The following PRKCE variants were observed in gnomAD, a reference collection of about 807,000 sequenced individuals.
The protein encoded by PRKCE is protein kinase C epsilon.
PRKCE carries 16 observed loss-of-function variants against 85.4 expected under a neutral mutation model. The ratio of observed to expected loss-of-function variants is 0.19; its 90% CI spans 0.13 to 0.28. The LOEUF (loss-of-function observed/expected upper bound fraction) is 0.28. Among genes scored for constraint, PRKCE ranks in the 10% least tolerant of loss-of-function variants. PRKCE has a pLI of 1.00. For synonymous variants in PRKCE, 388 were observed against 371.5 expected (o/e 1.04, Z -0.51); for missense variants, 573 against 975.2 (o/e 0.59, Z 5.49).
Position 46,001,738 on chromosome 2 carries a change from A to G in PRKCE, c.966+192A>G, listed in dbSNP as rs1206238806. Among the ~76,000 whole-genome samples, 8 of 152,230 alleles carry G rather than the reference A, an allele frequency of 5.3e-5. No individual in the cohort carries two copies. The highest frequency in any genetic ancestry group is 1.7e-4 in the African/African-American group (7 of 41,472). ...AACATTAATGTCTTCTTGAGCTCCAAAAGTGGACTGAAAACACAGCAAGCC... is the reference window on the plus strand; with the variant it reads ...AACATTAATGTCTTCTTGAGCTCCAGAAGTGGACTGAAAACACAGCAAGCC... On this transcript the variant is annotated intron_variant, in intron 7 of 14. Transcript: ENST00000306156. The surrounding 1 kb of genome is among the most constrained non-coding windows in gnomAD (Gnocchi z 4.4).
intron 11 of PRKCE, among the ~76,000 whole-genome samples, chr2:46,090,750 A>G (rs1670088438): frequency 6.6e-6 from 1 of 150,382 alleles, no homozygotes; most frequent in Non-Finnish European, 1.5e-5. Flanking sequence ...CAAGCTGCAA[A>G]AGGCTCTGTG....
chr2:45,794,741 A>G (rs1687286418), intron 1 of PRKCE, among the ~76,000 whole-genome samples: 2 of 152,052 alleles, frequency 1.3e-5, no homozygotes, highest in African/African-American at 4.8e-5. Flanking sequence ...CTGTTCGAAT[A>G]CAAGCCTCCT....
chr2:46,005,992 G>C (rs1395580337), intron 8 of PRKCE, among the ~76,000 whole-genome samples: 2 of 152,152 alleles, frequency 1.3e-5, no homozygotes, highest in Admixed American at 1.3e-4. Context: ...TCAGAGACCA[G>C]GGTTTGTAGG....
At chr2:46,008,446 GAT>G (rs1053738517) in intron 9 of PRKCE, among the ~76,000 whole-genome samples, 1 of 152,192 alleles carries the variant, frequency 6.6e-6, no homozygotes, top group Admixed American at 6.5e-5. Flanking sequence ...TGAGATCTCT[GAT>G]TGTTCCCTGG....
chr2:45,674,420 A>G (rs1469098925), intron 1 of PRKCE, among the ~76,000 whole-genome samples: 1 of 152,232 alleles, frequency 6.6e-6, no homozygotes, highest in Non-Finnish European at 1.5e-5. Context: ...TTTTGGGTCA[A>G]GAGGACTCTG....
intron 11 of PRKCE, among the ~76,000 whole-genome samples, chr2:46,103,123 A>G (rs1671395406): frequency 6.6e-6 from 1 of 151,958 alleles, no homozygotes; most frequent in East Asian, 1.9e-4. Context: ...ATGAACTCAT[A>G]GATAGTTATT....
At chr2:45,848,355 G>T (rs1166613696) in intron 2 of PRKCE, among the ~76,000 whole-genome samples, 1 of 151,798 alleles carries the variant, frequency 6.6e-6, no homozygotes, top group Non-Finnish European at 1.5e-5. Context: ...CTGTCGCCCA[G>T]GCTGGAGTGT....
At chr2:46,144,975 G>C in intron 11 of PRKCE, 118 bp from the exon 12 acceptor site, 1 of 1,460,548 alleles carries the variant, frequency 6.8e-7, no homozygotes, top group Non-Finnish European at 9.3e-7. Context: ...AGAAACACAA[G>C]CTTCTTTCAG....
chr2:45,879,137 A>AC (rs1338770037), intron 2 of PRKCE, among the ~76,000 whole-genome samples: 1 of 152,048 alleles, frequency 6.6e-6, no homozygotes, highest in Non-Finnish European at 1.5e-5. Flanking sequence ...ACACATAAAA[A>AC]CCCCAAGCTC....
intron 1 of PRKCE, among the ~76,000 whole-genome samples, chr2:45,683,090 C>T (rs140082937): frequency 6.6e-6 from 1 of 152,238 alleles, no homozygotes; most frequent in African/African-American, 2.4e-5. Flanking sequence ...TTGACAAATC[C>T]AGCAGAGATT....
intron 1 of PRKCE, among the ~76,000 whole-genome samples, chr2:45,756,745 T>C (rs966036187): frequency 2.6e-5 from 4 of 152,226 alleles, no homozygotes; most frequent in African/African-American, 9.6e-5. Flanking sequence ...ATTCCATTCA[T>C]ATAACATTTT....
chr2:45,821,874 T>C (rs1689561941), intron 1 of PRKCE, among the ~76,000 whole-genome samples: 1 of 151,784 alleles, frequency 6.6e-6, no homozygotes, highest in Admixed American at 6.6e-5. Flanking sequence ...CTGAGGAGAG[T>C]AAGGGAAGAC....
chr2:45,972,639 G>A (rs1478945934), intron 2 of PRKCE, among the ~76,000 whole-genome samples: 1 of 152,180 alleles, frequency 6.6e-6, no homozygotes, highest in Admixed American at 6.5e-5. Flanking sequence ...TGATTTTTGT[G>A]TATGGTAAAA....
At chr2:45,958,818 T>TATA (rs1558885886) in intron 2 of PRKCE, among the ~76,000 whole-genome samples, 42 of 7,508 alleles carry the variant, frequency 5.6e-3, no homozygotes, top group South Asian at 0.028. Context: ...ATATATATAT[T>TATA]TTTTTTTTTT....
intron 11 of PRKCE, among the ~76,000 whole-genome samples, chr2:46,116,073 G>A (rs1314591183): frequency 6.6e-6 from 1 of 152,130 alleles, no homozygotes; most frequent in Non-Finnish European, 1.5e-5. Flanking sequence ...TTGGAGTGTG[G>A]GTACAGATGT....
At chr2:45,903,126 A>G (rs2103738056) in intron 2 of PRKCE, among the ~76,000 whole-genome samples, 1 of 152,352 alleles carries the variant, frequency 6.6e-6, no homozygotes, top group Middle Eastern at 3.4e-3. Flanking sequence ...CACTATCAAT[A>G]GTCATGTTTT....
At chr2:45,779,892 A>G (rs186895520) in intron 1 of PRKCE, among the ~76,000 whole-genome samples, 22 of 152,340 alleles carry the variant, frequency 1.4e-4, no homozygotes, top group African/African-American at 7.2e-5. Flanking sequence ...AATTTTAAAC[A>G]TATGCAAACC....
intron 1 of PRKCE, among the ~76,000 whole-genome samples, chr2:45,807,843 T>C (rs1035768810): frequency 6.6e-6 from 1 of 151,802 alleles, no homozygotes; most frequent in Middle Eastern, 3.2e-3. Context: ...TCAAGTTTGA[T>C]AGCTCCAGCC....
Position 45,652,496 on chromosome 2 carries a change from C to G in PRKCE, c.348+48C>G. On this transcript the variant is annotated intron_variant, in intron 1 of 14. Coordinates refer to ENST00000306156, the MANE Select transcript of PRKCE (RefSeq NM_005400.3). The surrounding 1 kb of genome is among the most constrained non-coding windows in gnomAD (Gnocchi z 7.7). ...ATTCCGGGAACCCGGTTGTGGGGTC[C>G]CGGGGAAAGACTCGCTGGTCTTGAT... 6.7e-7 allele frequency: 1 copy of G among 1,501,182 alleles called. No individual in the cohort carries two copies. Among genetic ancestry groups the G allele is most frequent in the South Asian group, 1.2e-5 (1 of 81,852 alleles). 93.0% of individuals were successfully genotyped at this position (1,501,182 alleles called of 1,614,324 possible).
Sources: allele counts gnomAD v4.1 joint callset (sites outside exome capture counted in the v4.1 genomes callset), GRCh38; gene constraint gnomAD v4.1.1; non-coding constraint Gnocchi (gnomAD v3.1); transcripts MANE v1.5; gene names NCBI Gene and HGNC (gene_info 2026-07-23, HGNC 2026-07-21).